The following TENM3 variants were observed in gnomAD, a reference collection of about 807,000 sequenced individuals.
The protein encoded by TENM3 is teneurin transmembrane protein 3.
In TENM3, 63 loss-of-function variants were observed where a neutral mutation model predicts 255.1. The ratio of observed to expected loss-of-function variants is 0.25; its 90% CI spans 0.20 to 0.30. TENM3 has a LOEUF of 0.30. Ranked by LOEUF, TENM3 falls within the 10% of genes least tolerant of loss-of-function variation. TENM3 has a pLI of 1.00. For synonymous variants in TENM3, 1,306 were observed against 1,322.3 expected (o/e 0.99, Z 0.27); for missense variants, 2,929 against 3,461.1 (o/e 0.85, Z 3.86).
the TENM3 span, among the ~76,000 whole-genome samples, chr4:181,476,664 T>G: frequency 2.0e-5 from 3 of 152,186 alleles, no homozygotes; most frequent in African/African-American, 7.2e-5. Context: ...CTTAAAAGAA[T>G]GCACAGCCCG....
At chr4:181,988,732 T>A in the TENM3 span, among the ~76,000 whole-genome samples, 1 of 152,062 alleles carries the variant, frequency 6.6e-6, no homozygotes, top group Non-Finnish European at 1.5e-5. Context: ...GTCACCTGTC[T>A]TTGCTCTTAT....
At chr4:182,315,567 G>A (rs1034747342) in intron 1 of TENM3, among the ~76,000 whole-genome samples, 3 of 152,106 alleles carry the variant, frequency 2.0e-5, no homozygotes, top group Admixed American at 6.5e-5. Flanking sequence ...ATGCCCTGGT[G>A]TAGTTTTGTT....
the TENM3 span, among the ~76,000 whole-genome samples, chr4:182,102,320 T>A: frequency 6.6e-6 from 1 of 152,170 alleles, no homozygotes; most frequent in Non-Finnish European, 1.5e-5. Flanking sequence ...ATCAGACTAC[T>A]TGGTGTTGGG....
chr4:182,554,677 C>T (rs1257172768), intron 3 of TENM3, among the ~76,000 whole-genome samples: 1 of 151,748 alleles, frequency 6.6e-6, no homozygotes, highest in Non-Finnish European at 1.5e-5. Flanking sequence ...AATAATTTGC[C>T]CAAGATTTTA....
the TENM3 span, among the ~76,000 whole-genome samples, chr4:181,925,103 G>T: frequency 6.6e-6 from 1 of 152,104 alleles, no homozygotes; most frequent in African/African-American, 2.4e-5. Context: ...ATTCATAAAG[G>T]CATAAGAAGA....
chr4:182,138,636 G>A, the TENM3 span, among the ~76,000 whole-genome samples: 2 of 152,150 alleles, frequency 1.3e-5, no homozygotes, highest in Admixed American at 6.5e-5. Context: ...AAAATCCAAA[G>A]GGAATTTGGA....
chr4:182,489,597 TTGA>T (rs747425357), intron 3 of TENM3, among the ~76,000 whole-genome samples: 30 of 152,178 alleles, frequency 2.0e-4, no homozygotes, highest in Admixed American at 5.2e-4. Flanking sequence ...GTTGAAATGA[TTGA>T]TGGTTTTCTC....
At position 182,512,543 on chromosome 4, in the gene TENM3, G is replaced by A. The variant is rs551631889; in HGVS notation, c.512-88381G>A. Among the ~76,000 whole-genome samples the A allele has an allele frequency of 5.3e-5, 8 of 152,254 alleles. No homozygotes were observed. In the South Asian group the frequency reaches 1.2e-3, roughly 24 times the overall value. On this transcript the variant is annotated intron_variant, in intron 3 of 27. Transcript: ENST00000511685. ...AATGTCACTACTAGGAGCATTAGAG[G>A]ATTTTAAATATTTGATGAAATCATT...
At chr4:182,663,323 G>A (rs549947606) in intron 6 of TENM3, among the ~76,000 whole-genome samples, 3 of 151,924 alleles carry the variant, frequency 2.0e-5, no homozygotes, top group African/African-American at 2.4e-5. Context: ...GAGATCATAC[G>A]TTTTAAAAAA....
chr4:182,171,250 T>C (rs1752087061), intron 1 of TENM3, among the ~76,000 whole-genome samples: 1 of 152,164 alleles, frequency 6.6e-6, no homozygotes, highest in Non-Finnish European at 1.5e-5. Flanking sequence ...GCATAATGTC[T>C]CCCTGAGTTA....
chr4:182,618,292 G>A (rs1263281497), intron 4 of TENM3, among the ~76,000 whole-genome samples: 1 of 151,956 alleles, frequency 6.6e-6, no homozygotes, highest in East Asian at 1.9e-4. Flanking sequence ...TTATTAAACT[G>A]TATTCTTGAT....
At chr4:182,558,041 G>A (rs375696523) in intron 3 of TENM3, among the ~76,000 whole-genome samples, 1 of 152,084 alleles carries the variant, frequency 6.6e-6, no homozygotes, top group Non-Finnish European at 1.5e-5. Flanking sequence ...CTACGGCTAC[G>A]ATCCGATTTC....
intron 7 of TENM3, among the ~76,000 whole-genome samples, chr4:182,677,702 T>C (rs1042748754): frequency 1.3e-5 from 2 of 152,232 alleles, no homozygotes; most frequent in African/African-American, 4.8e-5. Flanking sequence ...CAGGTTATAC[T>C]GTTTTTATAT....
the TENM3 span, among the ~76,000 whole-genome samples, chr4:181,525,599 G>T: frequency 3.9e-5 from 6 of 152,162 alleles, no homozygotes; most frequent in Admixed American, 2.6e-4. Flanking sequence ...AATCCTGATG[G>T]TTTGCTCCTC....
At chr4:182,281,917 G>T (rs1381156696) in intron 1 of TENM3, among the ~76,000 whole-genome samples, 1 of 152,004 alleles carries the variant, frequency 6.6e-6, no homozygotes, top group Admixed American at 6.6e-5. Flanking sequence ...GGTATTTTTA[G>T]TAGAGACAGG....
At chr4:182,282,418 A>T (rs1285882179) in intron 1 of TENM3, among the ~76,000 whole-genome samples, 1 of 152,188 alleles carries the variant, frequency 6.6e-6, no homozygotes, top group Non-Finnish European at 1.5e-5. Context: ...ATTATTTTCT[A>T]TGTAGAGTTT....
In TENM3 at chr4:182,636,087, A is replaced by G. The variant is rs76178947; in HGVS notation, c.988+7198A>G. Among the ~76,000 whole-genome samples, 1,448 of 152,316 alleles carry G rather than the reference A, an allele frequency of 9.5e-3. 23 individuals are homozygous for G. The highest frequency in any genetic ancestry group is 0.032 in the African/African-American group (1,341 of 41,564). On this transcript the variant is annotated intron_variant, in intron 5 of 27. Transcript: ENST00000511685. ...AGCAATGAATTACATACCATTTTCC[A>G]CTACAGCTTCTTCCCTTCACTCTGA...
At chr4:182,626,405 A>G (rs1750821144) in intron 4 of TENM3, among the ~76,000 whole-genome samples, 1 of 152,238 alleles carries the variant, frequency 6.6e-6, no homozygotes. Context: ...AAAATAATAA[A>G]TAACTAATGC....
Position 182,713,990 on chromosome 4 carries a change from T to G in TENM3, c.2222-97T>G. ...GCAATTACAGTATTTGTGCTGTTTA[T>G]AAAGGCCTGTTCCCACTAAGTGTCC... is the stretch of plus-strand genomic sequence containing the variant. On this transcript the variant is annotated intron_variant, in intron 12 of 27. Transcript: ENST00000511685. 3.2e-6 allele frequency: 3 copies of G among 942,752 alleles called. No individual in the cohort carries two copies. The South Asian group carries it at 4.6e-5, about 15-fold the overall frequency. The allele number at this position is 942,752 out of a possible 1,614,324, so 58.4% of individuals were successfully genotyped here. A position where few individuals can be genotyped will look rare whatever the true frequency, so the allele number is the denominator to read the frequency against.
Sources: gnomAD v4.1 joint callset for allele counts (sites outside exome capture counted in the v4.1 genomes callset) on GRCh38, gnomAD v4.1.1 for gene constraint, MANE v1.5 for transcripts, NCBI Gene and HGNC (gene_info 2026-07-23, HGNC 2026-07-21) for gene names.